Variants in CNTNAP2 observed in about 807,000 individuals in gnomAD.
The protein encoded by CNTNAP2 is contactin-associated protein-like 2.
A neutral mutation model predicts 155.2 loss-of-function variants in CNTNAP2; 98 were observed. The ratio of observed to expected loss-of-function variants is 0.63; its 90% CI spans 0.54 to 0.75. The LOEUF (loss-of-function observed/expected upper bound fraction) is 0.75. Among genes scored for constraint, CNTNAP2 ranks in the 30% least tolerant of loss-of-function variants. The pLI, the probability that CNTNAP2 is intolerant of heterozygous loss-of-function variation, is 0.00. For missense variants in CNTNAP2, 1,727 were observed against 1,688.1 expected (o/e 1.02, Z -0.40); for synonymous variants, 651 against 631.2 (o/e 1.03, Z -0.47).
chr7:146,897,397 G>A (rs1795899485), intron 3 of CNTNAP2, among the ~76,000 whole-genome samples: 1 of 151,990 alleles, frequency 6.6e-6, no homozygotes, highest in African/African-American at 2.4e-5. Flanking sequence ...CTAGTGTAAA[G>A]ACTTGTGATT....
chr7:147,775,479 G>A (rs1381238094), intron 13 of CNTNAP2, among the ~76,000 whole-genome samples: 2 of 143,348 alleles, frequency 1.4e-5, no homozygotes, highest in African/African-American at 5.1e-5. Flanking sequence ...GTCCTTTGGA[G>A]ATGTAGTAGG....
chr7:146,588,528 T>C (rs1050344821), intron 1 of CNTNAP2, among the ~76,000 whole-genome samples: 2 of 141,718 alleles, frequency 1.4e-5, no homozygotes, highest in Non-Finnish European at 3.3e-5. Context: ...ATTTTTTTTT[T>C]TTTAAATTTA....
At position 146,272,018 on chromosome 7, in the gene CNTNAP2, A is replaced by G. The variant is rs193006597; in HGVS notation, c.97+155045A>G. On this transcript the variant is annotated intron_variant, in intron 1 of 23. Coordinates refer to ENST00000361727, the MANE Select transcript of CNTNAP2 (RefSeq NM_014141.6). Reference sequence around the variant, plus strand: ...TAAAACTTTATAAGTAATCAAATAAAACTAAAATAATCTAACACTGTGTAT... The same window carrying G: ...TAAAACTTTATAAGTAATCAAATAAGACTAAAATAATCTAACACTGTGTAT... Among the ~76,000 whole-genome samples the G allele has an allele frequency of 7.9e-5, 12 of 152,324 alleles. 1 individual carries two copies. Among genetic ancestry groups the G allele is most frequent in the African/African-American group, 2.9e-4 (12 of 41,586 alleles).
intron 9 of CNTNAP2, among the ~76,000 whole-genome samples, chr7:147,383,180 A>G (rs947972826): frequency 3.9e-5 from 6 of 152,132 alleles, no homozygotes; most frequent in Admixed American, 3.3e-4. Context: ...CGGCAGTTTA[A>G]TATCTTTCCT....
intron 14 of CNTNAP2, among the ~76,000 whole-genome samples, chr7:147,910,731 C>CAT (rs1487218654): frequency 5.3e-5 from 8 of 152,264 alleles, no homozygotes; most frequent in African/African-American, 1.4e-4. Context: ...CATCAGATCT[C>CAT]ATGAGACTTA....
intron 15 of CNTNAP2, among the ~76,000 whole-genome samples, chr7:148,093,820 G>A (rs1319342055): frequency 1.3e-5 from 2 of 152,068 alleles, no homozygotes; most frequent in African/African-American, 4.8e-5. Context: ...TGTCACCCAG[G>A]CTGGGGTGCA....
At chr7:147,328,702 C>T (rs1472091226) in intron 9 of CNTNAP2, among the ~76,000 whole-genome samples, 1 of 152,166 alleles carries the variant, frequency 6.6e-6, no homozygotes, top group Non-Finnish European at 1.5e-5. Flanking sequence ...GAGGCTTTCA[C>T]TGACAAGTAA....
chr7:146,142,067 A>G (rs1797889071), intron 1 of CNTNAP2, among the ~76,000 whole-genome samples: 1 of 152,178 alleles, frequency 6.6e-6, no homozygotes, highest in African/African-American at 2.4e-5. Flanking sequence ...TTATTAACCC[A>G]CATCTCACCA....
At chr7:147,572,531 T>C (rs1036372574) in intron 12 of CNTNAP2, among the ~76,000 whole-genome samples, 1 of 152,134 alleles carries the variant, frequency 6.6e-6, no homozygotes, top group Admixed American at 6.6e-5. Context: ...AGACACTGCT[T>C]GATTTTGTGC....
intron 1 of CNTNAP2, among the ~76,000 whole-genome samples, chr7:146,360,259 A>G (rs73467816): frequency 0.023 from 3,538 of 152,268 alleles, 159 homozygotes; most frequent in African/African-American, 0.08. Flanking sequence ...AGCTAGACAC[A>G]TTTGACTTTC....
chr7:147,773,558 CA>C (rs563590405), intron 13 of CNTNAP2, among the ~76,000 whole-genome samples: 16 of 152,244 alleles, frequency 1.1e-4, no homozygotes, highest in African/African-American at 3.6e-4. Flanking sequence ...ACATATAGTC[CA>C]AAACAACAAC....
chr7:148,103,822 T>C (rs548997093), intron 15 of CNTNAP2, among the ~76,000 whole-genome samples: 3 of 152,348 alleles, frequency 2.0e-5, no homozygotes, highest in East Asian at 1.9e-4. Flanking sequence ...CTTTCAATAG[T>C]ATTTCCTTCT....
chr7:146,231,039 T>TAAATAAATAAATAAATAAATTAAAA (rs1195125681), intron 1 of CNTNAP2, among the ~76,000 whole-genome samples: 21 of 140,048 alleles, frequency 1.5e-4, no homozygotes, highest in African/African-American at 5.3e-4. Context: ...AATAAATAAA[T>TAAATAAATAAATAAATAAATTAAAA]AAAAAGTTAA....
chr7:146,150,750 A>G (rs1178106996), intron 1 of CNTNAP2, among the ~76,000 whole-genome samples: 2 of 152,050 alleles, frequency 1.3e-5, no homozygotes, highest in Admixed American at 6.6e-5. Context: ...TGAATTGATG[A>G]ATGAAAAATT....
chr7:147,176,680 A>AATATATAATAGAATTATATATT (rs560395419), intron 8 of CNTNAP2, among the ~76,000 whole-genome samples: 3,982 of 114,082 alleles, frequency 0.035, 223 homozygotes, highest in African/African-American at 0.074. Context: ...TATTTTATAT[A>AATATATAATAGAATTATATATT]ATATATAATA....
intron 1 of CNTNAP2, among the ~76,000 whole-genome samples, chr7:146,459,005 A>T (rs1341306239): frequency 6.6e-6 from 1 of 152,154 alleles, no homozygotes; most frequent in Non-Finnish European, 1.5e-5. Flanking sequence ...CTTGTTGGTT[A>T]TGAAAATACT....
intron 13 of CNTNAP2, among the ~76,000 whole-genome samples, chr7:147,734,470 A>C (rs758945616): frequency 2.0e-5 from 3 of 152,100 alleles, no homozygotes; most frequent in African/African-American, 4.8e-5. Flanking sequence ...TATTGGTCTA[A>C]AATTCTCTTT....
intron 1 of CNTNAP2, among the ~76,000 whole-genome samples, chr7:146,564,522 CA>C (rs1297713619): frequency 6.7e-6 from 1 of 148,170 alleles, no homozygotes; most frequent in Admixed American, 6.8e-5. Context: ...TATTATATAA[CA>C]AATATACATT....
intron 13 of CNTNAP2, among the ~76,000 whole-genome samples, chr7:147,864,422 C>G (rs141439603): frequency 0.59 from 89,041 of 150,338 alleles, 26,650 homozygotes; most frequent in Middle Eastern, 0.7. Context: ...GTCTTTTTTG[C>G]TTCCATATGA....
Sources: gnomAD v4.1 joint callset for allele counts (sites outside exome capture counted in the v4.1 genomes callset) on GRCh38, gnomAD v4.1.1 for gene constraint, MANE v1.5 for transcripts, NCBI Gene and HGNC (gene_info 2026-07-23, HGNC 2026-07-21) for gene names.